HSD17B2: variants seen among roughly 807,000 people sequenced by gnomAD.
HSD17B2 encodes the protein hydroxysteroid 17-beta dehydrogenase 2.
Under a neutral mutation model 26.9 loss-of-function variants are expected in HSD17B2, and 32 were observed. The observed-to-expected ratio is 1.19, with a 90% CI of 0.90 to 1.60. The LOEUF is 1.60. Among genes scored for constraint, HSD17B2 ranks in the 40% most tolerant of loss-of-function variants. The pLI is 0.00. For missense variants in HSD17B2, 613 were observed against 468.6 expected (o/e 1.31, Z -2.85); for synonymous variants, 246 against 186.7 (o/e 1.32, Z -2.59).
At chr16:82,084,880 A>G (rs1325442473) in intron 3 of HSD17B2, among the ~76,000 whole-genome samples, 3 of 152,158 alleles carry the variant, frequency 2.0e-5, no homozygotes, top group Non-Finnish European at 4.4e-5. Flanking sequence ...ATACAGGCAC[A>G]TGCCATCACA....
intron 3 of HSD17B2, among the ~76,000 whole-genome samples, chr16:82,084,349 C>T (rs773015494): frequency 1.6e-4 from 25 of 152,038 alleles, no homozygotes; most frequent in Non-Finnish European, 2.4e-4. Flanking sequence ...AATTGTGACA[C>T]GTCTTCAGAT....
At chr16:82,044,763 A>G (rs1913869609) in intron 1 of HSD17B2, among the ~76,000 whole-genome samples, 1 of 152,144 alleles carries the variant, frequency 6.6e-6, no homozygotes, top group African/African-American at 2.4e-5. Flanking sequence ...CTATCCCTCC[A>G]TATTGCAGAC....
chr16:82,050,948 T>G (rs1057307871), intron 1 of HSD17B2, among the ~76,000 whole-genome samples: 2 of 152,336 alleles, frequency 1.3e-5, no homozygotes, highest in Admixed American at 6.5e-5. Context: ...GCTCCCCAGT[T>G]GTGATAAGAA....
At chr16:82,076,305 T>G (rs1904301997) in intron 3 of HSD17B2, among the ~76,000 whole-genome samples, 1 of 152,114 alleles carries the variant, frequency 6.6e-6, no homozygotes, top group African/African-American at 2.4e-5. Context: ...CAAACTGAAA[T>G]CCTTTCCTCT....
At chr16:82,043,647 G>A (rs1913830733) in intron 1 of HSD17B2, among the ~76,000 whole-genome samples, 1 of 120,066 alleles carries the variant, frequency 8.3e-6, no homozygotes, top group Admixed American at 1.1e-4. Flanking sequence ...TCGCGCCACT[G>A]CACTGTCTGC....
intron 1 of HSD17B2, among the ~76,000 whole-genome samples, chr16:82,053,544 G>T (rs961921767): frequency 6.6e-6 from 1 of 152,100 alleles, no homozygotes; most frequent in Admixed American, 6.6e-5. Context: ...AGTTCATAGC[G>T]CTAGCCATGG....
intron 1 of HSD17B2, among the ~76,000 whole-genome samples, chr16:82,054,968 G>T (rs927540362): frequency 1.3e-5 from 2 of 152,174 alleles, no homozygotes; most frequent in African/African-American, 2.4e-5. Flanking sequence ...AACATTTGAG[G>T]CCAGATGGTT....
At chr16:82,069,346 G>T (rs1186523378) in intron 2 of HSD17B2, among the ~76,000 whole-genome samples, 1 of 152,116 alleles carries the variant, frequency 6.6e-6, no homozygotes, top group Non-Finnish European at 1.5e-5. Flanking sequence ...CCATGTCTTT[G>T]CTTTTGTGAC....
At chr16:82,071,762 G>C (rs1181842150) in intron 3 of HSD17B2, 1 of 160,510 alleles carries the variant, frequency 6.2e-6, no homozygotes, top group Non-Finnish European at 1.4e-5. Flanking sequence ...TTCTGGGACA[G>C]ACATTTTCAA....
At chr16:82,041,860 C>G (rs1192962211) in intron 1 of HSD17B2, among the ~76,000 whole-genome samples, 3 of 152,084 alleles carry the variant, frequency 2.0e-5, no homozygotes, top group Non-Finnish European at 4.4e-5. Context: ...ACTGGCAAAT[C>G]GTGGTTTTGT....
chr16:82,073,129 A>G (rs1194373718), intron 3 of HSD17B2, among the ~76,000 whole-genome samples: 2 of 152,154 alleles, frequency 1.3e-5, no homozygotes, highest in Non-Finnish European at 2.9e-5. Context: ...AGCTCTTTCC[A>G]AGCCAGAACT....
At chr16:82,061,363 G>A (rs562039254) in intron 1 of HSD17B2, among the ~76,000 whole-genome samples, 42 of 152,092 alleles carry the variant, frequency 2.8e-4, no homozygotes, top group Admixed American at 9.8e-4. Context: ...TTAATCCTTC[G>A]AACAACTCTA....
chr16:82,098,099 G>C lies in HSD17B2; in HGVS notation c.827G>C (p.Trp276Ser). ...LTNIAGTSDK[W>S]EKLEKDILDH... is the part of the protein sequence containing the mutation. ...GATATCGCAGGCACCAGTGACAAGT[G>C]GGAAAAGCTGGAGAAGGACATTCTG... The change falls in exon 5 of 5, where the codon TGG becomes TCG. Residue 276 changes from tryptophan (W) to serine (S), a missense_variant. Physicochemically the swap from Trp to Ser is radical, Grantham distance 177 (BLOSUM62 -3). Transcript: ENST00000199936. 6.2e-7 allele frequency: 1 copy of C among 1,613,338 alleles called. No individual in the cohort carries two copies. Among genetic ancestry groups the C allele is most frequent in the Non-Finnish European group, 8.5e-7 (1 of 1,179,498 alleles).
chr16:82,048,212 A>G (rs1913996350), intron 1 of HSD17B2, among the ~76,000 whole-genome samples: 1 of 152,194 alleles, frequency 6.6e-6, no homozygotes, highest in South Asian at 2.1e-4. Context: ...AGATTAGGAC[A>G]GGGCACTGGG....
At chr16:82,041,197 A>G (rs1390733166) in intron 1 of HSD17B2, among the ~76,000 whole-genome samples, 2 of 152,180 alleles carry the variant, frequency 1.3e-5, no homozygotes, top group African/African-American at 4.8e-5. Flanking sequence ...TCTTTTTATG[A>G]CCATGTGCCT....
chr16:82,050,411 G>C (rs556824891), intron 1 of HSD17B2, among the ~76,000 whole-genome samples: 1 of 151,734 alleles, frequency 6.6e-6, no homozygotes, highest in Non-Finnish European at 1.5e-5. Context: ...TCCACGGCTC[G>C]TCACCTCCCC....
chr16:82,098,386 C>G lies in HSD17B2; in HGVS notation c.1114C>G (p.Pro372Ala). Residue 372 changes from proline to alanine, a missense_variant, in exon 5 of 5, where the codon CCC (proline) becomes GCC (alanine). By Grantham distance (27) the Pro-to-Ala change is conservative. Transcript: ENST00000199936. ...TAAAAGACATTTTGGCCAAGACAAG[C>G]CCATGCCCAGAGCTCTAAGAATGCC... The part of the protein sequence containing the change: ...FAKRHFGQDK[P>A]MPRALRMPNY... 3 of 1,613,902 alleles carry G rather than the reference C, an allele frequency of 1.9e-6. No individual in the cohort carries two copies. Among genetic ancestry groups the G allele is most frequent in the Non-Finnish European group, 1.7e-6 (2 of 1,179,876 alleles).
chr16:82,069,029 G>A (rs1166779173), intron 2 of HSD17B2, among the ~76,000 whole-genome samples: 1 of 152,142 alleles, frequency 6.6e-6, no homozygotes, highest in Admixed American at 6.5e-5. Flanking sequence ...TAAGTACTGA[G>A]CCCAGGATTC....
intron 4 of HSD17B2, chr16:82,096,993 C>T (rs920320506): frequency 6.6e-6 from 1 of 151,598 alleles, no homozygotes; most frequent in Non-Finnish European, 1.5e-5. Context: ...AAGGCTGGTC[C>T]TGTTCTGTTT....
Sources: gnomAD v4.1 joint callset for allele counts (sites outside exome capture counted in the v4.1 genomes callset) on GRCh38, gnomAD v4.1.1 for gene constraint, MANE v1.5 for transcripts, NCBI Gene and HGNC (gene_info 2026-07-23, HGNC 2026-07-21) for gene names.